ARHGEF26: variants seen among roughly 807,000 people sequenced by gnomAD.
ARHGEF26 encodes Rho guanine nucleotide exchange factor (GEF) 26.
A neutral mutation model predicts 89.4 loss-of-function variants in ARHGEF26; 59 were observed. The observed-to-expected ratio is 0.66, with a 90% CI of 0.54 to 0.82. The LOEUF (loss-of-function observed/expected upper bound fraction) is 0.82. Ranked by LOEUF, ARHGEF26 falls within the 40% of genes least tolerant of loss-of-function variation. The probability of loss-of-function intolerance (pLI) is 0.00; values close to 1 mark genes in which losing one functional copy is unlikely to be tolerated. For missense variants in ARHGEF26, 1,234 were observed against 1,085.6 expected (o/e 1.14, Z -1.92); for synonymous variants, 500 against 428.4 (o/e 1.17, Z -2.06).
In ARHGEF26 at chr3:154,152,938, T is replaced by C. The variant is rs1720113230; in HGVS notation, c.1487+6T>C. 3 of 1,561,868 alleles carry C rather than the reference T, an allele frequency of 1.9e-6. No individual in the cohort carries two copies. The highest frequency in any genetic ancestry group is 2.3e-5 in the East Asian group (1 of 43,060). On this transcript the variant is annotated splice_donor_region_variant and intron_variant, in intron 6 of 14. Coordinates refer to ENST00000465093, the MANE Select transcript of ARHGEF26 (RefSeq NM_015595.4). Reference sequence around the variant, plus strand: ...GTCTGTGAGGCAAGCAAAAAGTAAGTGCACTGCAGTCTGCCTTTGGTCGTG... The same window carrying C: ...GTCTGTGAGGCAAGCAAAAAGTAAGCGCACTGCAGTCTGCCTTTGGTCGTG...
At chr3:154,137,561 G>C (rs1194071079) in intron 4 of ARHGEF26, among the ~76,000 whole-genome samples, 1 of 152,132 alleles carries the variant, frequency 6.6e-6, no homozygotes, top group Non-Finnish European at 1.5e-5. Flanking sequence ...CTTAGCTTGG[G>C]CCAGGGACTG....
intron 12 of ARHGEF26, among the ~76,000 whole-genome samples, chr3:154,251,945 GT>G (rs1718182269): frequency 6.6e-6 from 1 of 152,304 alleles, no homozygotes; most frequent in Admixed American, 6.5e-5. Flanking sequence ...TGTTATGTAT[GT>G]TAAGAAATTT....
rs1489674012 is a variant in ARHGEF26, at chr3:154,138,857, TG to T, written c.1269+9139del. Among the ~76,000 whole-genome samples, 4 of 152,198 alleles carry T rather than the reference TG, an allele frequency of 2.6e-5. No individual in the cohort carries two copies. The East Asian group carries it at 7.7e-4, about 29-fold the overall frequency. On this transcript the variant is annotated intron_variant, in intron 4 of 14. Transcript: ENST00000465093. ...GATAGAGCAAGAACAGACTCCACCT[TG>T]CATTCATGTCCTTGTAAACAACCTG... is the stretch of plus-strand genomic sequence containing the variant.
chr3:154,217,141 A>T (rs1161171575), intron 9 of ARHGEF26, among the ~76,000 whole-genome samples: 2 of 151,712 alleles, frequency 1.3e-5, no homozygotes, highest in Non-Finnish European at 2.9e-5. Context: ...ACTAGTTTAC[A>T]GTCCCACCAA....
chr3:154,218,234 G>T (rs948062433), intron 10 of ARHGEF26, among the ~76,000 whole-genome samples: 1 of 151,948 alleles, frequency 6.6e-6, no homozygotes, highest in Non-Finnish European at 1.5e-5. Flanking sequence ...AATAGAATAG[G>T]GTAGTTAAAA....
At chr3:154,144,907 A>C (rs1719607185) in intron 4 of ARHGEF26, among the ~76,000 whole-genome samples, 1 of 152,190 alleles carries the variant, frequency 6.6e-6, no homozygotes, top group Non-Finnish European at 1.5e-5. Context: ...TAAGCATATG[A>C]TTTTATGATA....
intron 6 of ARHGEF26, among the ~76,000 whole-genome samples, chr3:154,182,847 C>A (rs1294409250): frequency 2.6e-5 from 4 of 152,158 alleles, no homozygotes; most frequent in African/African-American, 9.7e-5. Flanking sequence ...ATGACCATCT[C>A]ATAAAGCAGG....
intron 6 of ARHGEF26, among the ~76,000 whole-genome samples, chr3:154,156,358 G>A (rs143584323): frequency 8.7e-4 from 133 of 152,008 alleles, no homozygotes; most frequent in Non-Finnish European, 1.6e-3. Flanking sequence ...ATCGTAAGGG[G>A]CTATTTTGAA....
chr3:154,204,007 C>T (rs779061631), intron 9 of ARHGEF26, among the ~76,000 whole-genome samples: 1 of 151,912 alleles, frequency 6.6e-6, no homozygotes, highest in Non-Finnish European at 1.5e-5. Context: ...AAATATTGGC[C>T]TTGTAGAATT....
In ARHGEF26 at chr3:154,187,842, G is replaced by A; in HGVS notation, c.1640+5G>A. The A allele has an allele frequency of 2.5e-6, 4 of 1,605,588 alleles. No individual in the cohort carries two copies. The highest frequency in any genetic ancestry group is 2.6e-6 in the Non-Finnish European group (3 of 1,175,254). On this transcript the variant is annotated splice_donor_5th_base_variant and intron_variant, in intron 7 of 14. Transcript: ENST00000465093. ...ACGAACACTACAAAAATTGTTGTAA[G>A]CAATGTCGAATGCTACAGTTTTAAT...
chr3:154,168,492 A>G (rs1712196210), intron 6 of ARHGEF26, among the ~76,000 whole-genome samples: 1 of 152,080 alleles, frequency 6.6e-6, no homozygotes, highest in Admixed American at 6.6e-5. Context: ...TGGGAGGATC[A>G]CTTGAGCCCA....
intron 4 of ARHGEF26, among the ~76,000 whole-genome samples, chr3:154,141,735 A>G (rs1435811427): frequency 6.6e-6 from 1 of 152,214 alleles, no homozygotes. Flanking sequence ...TATCTCAAAG[A>G]AATTTTACAA....
chr3:154,187,795 G>A lies in ARHGEF26; in HGVS notation c.1598G>A (p.Cys533Tyr). The A allele has an allele frequency of 6.2e-7, 1 of 1,610,270 alleles. No homozygotes were observed. The highest frequency in any genetic ancestry group is 8.5e-7 in the Non-Finnish European group (1 of 1,177,804). ...ASTFDPYVKY[C>Y]TNEVYQQRTL... ...ACATTTGACCCATATGTGAAATACT[G>A]CACAAATGAAGTCTACCAACAACGA... The change falls in exon 7 of 15, where the codon TGC (cysteine) becomes TAC (tyrosine). Residue 533 changes from cysteine (C) to tyrosine (Y), a missense_variant. Cys to Tyr is a radical substitution (Grantham distance 194). Transcript: ENST00000465093.
rs1165024883 is a variant in ARHGEF26, at chr3:154,240,545, G to C, written c.2266G>C (p.Glu756Gln). 6.2e-7 allele frequency: 1 copy of C among 1,612,382 alleles called. No homozygotes were observed. ...GACAGTCCTTAGTAACCACGCGAATGAGAAAGTGGAGATGCTACTAGGAGC... is the reference window on the plus strand; with the variant it reads ...GACAGTCCTTAGTAACCACGCGAATCAGAAAGTGGAGATGCTACTAGGAGC... ...TLTVLSNHAN[E>Q]KVEMLLGAET... The change falls in exon 12 of 15, where the codon GAG becomes CAG. Residue 756 changes from glutamate (E) to glutamine (Q), a missense_variant. Coordinates refer to ENST00000465093, the MANE Select transcript of ARHGEF26 (RefSeq NM_015595.4).
At chr3:154,219,897 G>C (rs901285061) in intron 10 of ARHGEF26, among the ~76,000 whole-genome samples, 1 of 151,022 alleles carries the variant, frequency 6.6e-6, no homozygotes, top group African/African-American at 2.4e-5. Context: ...CTGGGCGACA[G>C]AGCGAGACTC....
chr3:154,170,100 G>A (rs1008804032), intron 6 of ARHGEF26, among the ~76,000 whole-genome samples: 1 of 151,698 alleles, frequency 6.6e-6, no homozygotes, highest in Non-Finnish European at 1.5e-5. Flanking sequence ...GGTGGCTCAT[G>A]CCTGTAATCT....
chr3:154,198,983 ATAGGCATG>A (rs1482197826), intron 9 of ARHGEF26, among the ~76,000 whole-genome samples: 1 of 152,038 alleles, frequency 6.6e-6, no homozygotes, highest in Non-Finnish European at 1.5e-5. Flanking sequence ...ATGTTTTGAT[ATAGGCATG>A]CAGTGTGAAA....
intron 6 of ARHGEF26, among the ~76,000 whole-genome samples, chr3:154,173,087 G>A (rs1329950232): frequency 6.6e-6 from 1 of 152,118 alleles, no homozygotes; most frequent in Non-Finnish European, 1.5e-5. Context: ...TCAGAATATA[G>A]TATATTCAGT....
At chr3:154,233,055 T>A (rs1315467154) in intron 11 of ARHGEF26, among the ~76,000 whole-genome samples, 1 of 151,928 alleles carries the variant, frequency 6.6e-6, no homozygotes, top group Non-Finnish European at 1.5e-5. Context: ...ATGGTGTGGA[T>A]CTACTGACCT....
Sources: gnomAD v4.1 joint callset for allele counts (sites outside exome capture counted in the v4.1 genomes callset) on GRCh38, gnomAD v4.1.1 for gene constraint, MANE v1.5 for transcripts, NCBI Gene and HGNC (gene_info 2026-07-23, HGNC 2026-07-21) for gene names.